SMCHD1: variants seen among roughly 807,000 people sequenced by gnomAD.
SMCHD1 encodes structural maintenance of chromosomes flexible hinge domain-containing protein 1.
SMCHD1 carries 78 observed loss-of-function variants against 254.7 expected under a neutral mutation model. That is an observed-to-expected ratio of 0.31 (90% CI 0.26 to 0.37). SMCHD1 has a LOEUF of 0.37. SMCHD1 is among the 10% of genes least tolerant of loss of function. SMCHD1 has a pLI of 1.00. For synonymous variants in SMCHD1, 766 were observed against 794.9 expected (o/e 0.96, Z 0.61); for missense variants, 1,840 against 2,408.1 (o/e 0.76, Z 4.94).
chr18:2,765,377 T>G (rs2075848809), intron 37 of SMCHD1, among the ~76,000 whole-genome samples: 1 of 152,202 alleles, frequency 6.6e-6, no homozygotes, highest in Non-Finnish European at 1.5e-5. Flanking sequence ...AAATGTTACC[T>G]TTTCTTGTAT....
chr18:2,799,174 T>C lies in SMCHD1; in HGVS notation c.5993+2653T>C, dbSNP rs62077725. On this transcript the variant is annotated intron_variant, in intron 47 of 47. Coordinates refer to ENST00000320876, the MANE Select transcript of SMCHD1 (RefSeq NM_015295.3). The stretch of plus-strand genomic sequence containing the variant: ...GGAAAAAAGGAACAGTGAGATTAAT[T>C]TTAATAATAGATATTATTGAACCCA... Among the ~76,000 whole-genome samples the C allele has an allele frequency of 1.7e-3, 262 of 152,328 alleles. 1 individual carries two copies. The highest frequency in any genetic ancestry group is 6.4e-3 in the Admixed American group (98 of 15,302).
At chr18:2,745,185 T>TTTTATTTTAAAAAATTGAAAAA (rs74556033) in intron 29 of SMCHD1, among the ~76,000 whole-genome samples, 1 of 113,788 alleles carries the variant, frequency 8.8e-6, no homozygotes, top group Non-Finnish European at 2.0e-5. Flanking sequence ...TTGAAACAAG[T>TTTTATTTTAAAAAATTGAAAAA]TTTATTTATT....
In SMCHD1 at chr18:2,778,254, T is replaced by C; in HGVS notation, c.5547+15T>C. On this transcript the variant is annotated intron_variant, in intron 44 of 47. Coordinates refer to ENST00000320876, the MANE Select transcript of SMCHD1 (RefSeq NM_015295.3). ...ATAGAAAAGAGGTATGTATTTGATT[T>C]CTTTTTAAATTTGTAGACTTCAGTT... is the stretch of plus-strand genomic sequence containing the variant. The C allele has an allele frequency of 6.4e-7, 1 of 1,572,882 alleles. No homozygotes were observed. Among genetic ancestry groups the C allele is most frequent in the South Asian group, 1.1e-5 (1 of 87,828 alleles).
chr18:2,738,085 CATG>C (rs1442041949), intron 25 of SMCHD1, among the ~76,000 whole-genome samples: 1 of 152,076 alleles, frequency 6.6e-6, no homozygotes, highest in Non-Finnish European at 1.5e-5. Context: ...GAATTAATCA[CATG>C]ATCTGATTTA....
At position 2,804,178 on chromosome 18, in the gene SMCHD1, G is replaced by C. The variant is rs2076410429; in HGVS notation, c.*1626G>C. The C allele has an allele frequency of 6.6e-6, 1 of 152,204 alleles. No homozygotes were observed. The highest frequency in any genetic ancestry group is 2.1e-4 in the South Asian group (1 of 4,832). The allele number at this position is 152,204 out of a possible 1,614,324, so 9.4% of individuals were successfully genotyped here. ...AACGTATAATTAATATGTGGAACTA[G>C]TTTGCTTTTATAATTCATTGTATCA... is the stretch of plus-strand genomic sequence containing the variant. On this transcript the variant is annotated 3_prime_UTR_variant, in exon 48 of 48. Transcript: ENST00000320876.
intron 8 of SMCHD1, among the ~76,000 whole-genome samples, chr18:2,696,543 A>G (rs2074289350): frequency 6.6e-6 from 1 of 152,236 alleles, no homozygotes; most frequent in Middle Eastern, 3.2e-3. Context: ...ATTGTCTTCC[A>G]TGAAACTGGT....
chr18:2,796,372 G>A (rs2076264240), intron 46 of SMCHD1, 35 bp from the exon 47 acceptor site: 1 of 1,301,022 alleles, frequency 7.7e-7, no homozygotes, highest in South Asian at 1.4e-5. Flanking sequence ...TGTTTTTATT[G>A]TAAATTTAAC....
In SMCHD1 at chr18:2,796,098, G is replaced by A; in HGVS notation, c.5869G>A (p.Glu1957Lys). 6.4e-7 allele frequency: 1 copy of A among 1,552,250 alleles called. No individual in the cohort carries two copies. Among genetic ancestry groups the A allele is most frequent in the Admixed American group, 2.1e-5 (1 of 47,428 alleles). The change falls in exon 46 of 48, where the codon GAA becomes AAA. Residue 1957 changes from glutamate to lysine, a missense_variant. Transcript: ENST00000320876. Reference sequence around the variant, plus strand: ...TGAGAAAAATCTCAAACTAATAGAGGAAAAACTAGGTAAGTCTTTGCTTTT... The same window carrying A: ...TGAGAAAAATCTCAAACTAATAGAGAAAAAACTAGGTAAGTCTTTGCTTTT... ...EHEKNLKLIE[E>K]KLGMTPIRKC...
At chr18:2,687,595 CT>C (rs1164517764) in intron 5 of SMCHD1, among the ~76,000 whole-genome samples, 2 of 152,042 alleles carry the variant, frequency 1.3e-5, no homozygotes, top group African/African-American at 4.8e-5. Flanking sequence ...GAAGCCATGT[CT>C]TTTATTGGTT....
At chr18:2,705,200 T>C (rs1056787497) in intron 13 of SMCHD1, among the ~76,000 whole-genome samples, 8 of 152,296 alleles carry the variant, frequency 5.3e-5, no homozygotes, top group African/African-American at 1.7e-4. Context: ...GATAAACTCT[T>C]ATAGTCCTTG....
rs150987827 is a variant in SMCHD1 at position 2,729,250 on chromosome 18, AC to A, written c.2914-24del. The A allele has an allele frequency of 2.9e-3, 4,099 of 1,420,536 alleles. 9 individuals are homozygous for A. The highest frequency in any genetic ancestry group is 3.4e-3 in the Non-Finnish European group (3,647 of 1,082,162). 88.0% of individuals were successfully genotyped at this position (1,420,536 alleles called of 1,614,324 possible). On this transcript the variant is annotated intron_variant, in intron 23 of 47. Coordinates refer to ENST00000320876, the MANE Select transcript of SMCHD1 (RefSeq NM_015295.3). ...ATCAAATATATTTAATAGGGGTCTT[AC>A]ATTATTTTTCATCTTTCAAATAGTT...
At chr18:2,792,291 G>C (rs1407948889) in intron 45 of SMCHD1, among the ~76,000 whole-genome samples, 1 of 152,188 alleles carries the variant, frequency 6.6e-6, no homozygotes, top group African/African-American at 2.4e-5. Flanking sequence ...TTGTGTTACA[G>C]TTACCTACAG....
At chr18:2,732,232 T>C (rs1238390781) in intron 24 of SMCHD1, 33 bp from the exon 25 acceptor site, 2 of 1,533,428 alleles carry the variant, frequency 1.3e-6, no homozygotes, top group Non-Finnish European at 1.8e-6. Context: ...AGTACAGATA[T>C]CACTCAGTGT....
intron 21 of SMCHD1, among the ~76,000 whole-genome samples, chr18:2,726,069 T>C (rs1315810099): frequency 6.6e-6 from 1 of 151,914 alleles, no homozygotes; most frequent in Non-Finnish European, 1.5e-5. Context: ...ATTTCAAAAT[T>C]TTCTGGTTTT....
At position 2,780,233 on chromosome 18, in the gene SMCHD1, C is replaced by CT. The variant is rs2076132187; in HGVS notation, c.5547+1995dup. The stretch of plus-strand genomic sequence containing the variant: ...CAGTCCGGGGTGACAGAGCAAGACT[C>CT]TATCTAAAAAAAAAAAAAAAAAAAA... On this transcript the variant is annotated intron_variant, in intron 44 of 47. Coordinates refer to ENST00000320876, the MANE Select transcript of SMCHD1 (RefSeq NM_015295.3). 4.1e-5 allele frequency among the ~76,000 whole-genome samples: 2 copies of CT among 49,336 alleles called. 1 individual carries two copies. Among genetic ancestry groups the CT allele is most frequent in the South Asian group, 2.0e-3 (2 of 1,002 alleles). The allele number at this position is 49,336 out of a possible 152,430, so 32.4% of individuals were successfully genotyped here. A position where few individuals can be genotyped will look rare whatever the true frequency, so the allele number is the denominator to read the frequency against.
intron 40 of SMCHD1, 108 bp downstream of exon 40, chr18:2,771,726 C>A: frequency 1.2e-6 from 1 of 806,626 alleles, no homozygotes; most frequent in Non-Finnish European, 1.8e-6. Flanking sequence ...TTTTAGGGTA[C>A]AAAGACGTGC....
At position 2,762,246 on chromosome 18, in the gene SMCHD1, A is replaced by AG; in HGVS notation, c.4566+10_4566+11insG. The AG allele has an allele frequency of 6.2e-7, 1 of 1,610,630 alleles. No homozygotes were observed. The highest frequency in any genetic ancestry group is 8.5e-7 in the Non-Finnish European group (1 of 1,178,476). On this transcript the variant is annotated intron_variant, in intron 36 of 47. Coordinates refer to ENST00000320876, the MANE Select transcript of SMCHD1 (RefSeq NM_015295.3). The stretch of plus-strand genomic sequence containing the variant: ...ACATCTTAGTATCACGGTAATGTTT[A>AG]TTTTCTTCCAAAACTGCGAAGGGTA...
At chr18:2,719,458 G>A (rs2074876884) in intron 19 of SMCHD1, among the ~76,000 whole-genome samples, 2 of 151,688 alleles carry the variant, frequency 1.3e-5, no homozygotes. Context: ...CACCACACCT[G>A]GCTAATTTAT....
chr18:2,748,586 G>A (rs1010359779), intron 30 of SMCHD1, among the ~76,000 whole-genome samples: 4 of 151,792 alleles, frequency 2.6e-5, no homozygotes, highest in African/African-American at 9.7e-5. Context: ...GTACAGACGG[G>A]GTTTCACCAC....
Sources: allele counts gnomAD v4.1 joint callset (sites outside exome capture counted in the v4.1 genomes callset), GRCh38; gene constraint gnomAD v4.1.1; transcripts MANE v1.5; gene names NCBI Gene and HGNC (gene_info 2026-07-23, HGNC 2026-07-21).